COL11A1: variants seen among roughly 807,000 people sequenced by gnomAD.
COL11A1 encodes collagen type XI alpha 1 chain.
COL11A1 carries 74 observed loss-of-function variants against 265.2 expected under a neutral mutation model. That is an observed-to-expected ratio of 0.28 (90% CI 0.23 to 0.34). The LOEUF is 0.34. Ranked by LOEUF, COL11A1 falls within the 10% of genes least tolerant of loss-of-function variation. The pLI is 1.00. For synonymous variants in COL11A1, 816 were observed against 727.6 expected, an observed-to-expected ratio of 1.12 and a Z score of -1.96; for missense variants, 2,165 against 2,263.6, an observed-to-expected ratio of 0.96 and a Z score of 0.88.
At chr1:103,002,696 C>A (rs768298422) in intron 22 of COL11A1, 51 bp downstream of exon 22, 16 of 1,521,488 alleles carry the variant, frequency 1.1e-5, no homozygotes, top group Non-Finnish European at 1.4e-5. Flanking sequence ...AAAATGGTTT[C>A]TTAGGGCTTA....
At chr1:103,037,983 A>G (rs1041754923) in intron 4 of COL11A1, among the ~76,000 whole-genome samples, 2 of 152,172 alleles carry the variant, frequency 1.3e-5, no homozygotes, top group African/African-American at 4.8e-5. Flanking sequence ...TCTTGTCTCC[A>G]TTAACTTGCA....
chr1:102,959,432 C>T (rs1342822224), intron 41 of COL11A1, among the ~76,000 whole-genome samples: 1 of 138,822 alleles, frequency 7.2e-6, no homozygotes, highest in Non-Finnish European at 1.6e-5. Flanking sequence ...GTAATCTGCA[C>T]TCTGTGAAGC....
intron 22 of COL11A1, 116 bp from the exon 23 acceptor site, chr1:103,002,597 C>G: frequency 8.7e-7 from 1 of 1,144,246 alleles, no homozygotes; most frequent in South Asian, 1.3e-5. Flanking sequence ...TCATGAGATT[C>G]TGGAAAATAT....
At chr1:103,099,023 C>A (rs1392791994) in intron 1 of COL11A1, among the ~76,000 whole-genome samples, 1 of 151,762 alleles carries the variant, frequency 6.6e-6, no homozygotes, top group Non-Finnish European at 1.5e-5. Context: ...AGGTTATGGA[C>A]AATCAAGTCA....
At position 103,017,885 on chromosome 1, in the gene COL11A1, A is replaced by T. The variant is rs1296607621; in HGVS notation, c.1351-3T>A. On this transcript the variant is annotated splice_polypyrimidine_tract_variant and splice_region_variant and intron_variant, in intron 10 of 66. Transcript: ENST00000370096. Reference sequence around the variant, plus strand: ...AGACCTGGAGGACCCATAATACCCTATAGAGAAACACACCATATCTTAATC... The same window carrying T: ...AGACCTGGAGGACCCATAATACCCTTTAGAGAAACACACCATATCTTAATC... 2.5e-6 allele frequency: 4 copies of T among 1,610,232 alleles called. No individual in the cohort carries two copies. The highest frequency in any genetic ancestry group is 2.5e-6 in the Non-Finnish European group (3 of 1,176,692).
intron 5 of COL11A1, among the ~76,000 whole-genome samples, chr1:103,030,726 T>G (rs889838533): frequency 2.0e-5 from 3 of 152,102 alleles, no homozygotes; most frequent in Admixed American, 2.0e-4. Context: ...CTCATTTGTA[T>G]GCATTGCCAA....
At chr1:102,975,026 C>A in intron 35 of COL11A1, 143 bp from the exon 36 acceptor site, 1 of 683,470 alleles carries the variant, frequency 1.5e-6, no homozygotes. Context: ...TAATACAACA[C>A]GATAGTAAGT....
chr1:102,927,084 AT>A, intron 46 of COL11A1, among the ~76,000 whole-genome samples: 1 of 152,260 alleles, frequency 6.6e-6, no homozygotes, highest in East Asian at 1.9e-4. Flanking sequence ...AATTTGTGTA[AT>A]TATGCACATA....
At chr1:102,924,520 G>A (rs1656361483) in intron 46 of COL11A1, among the ~76,000 whole-genome samples, 2 of 152,052 alleles carry the variant, frequency 1.3e-5, no homozygotes, top group Non-Finnish European at 2.9e-5. Flanking sequence ...TTACAGTCAT[G>A]AACTACTCTG....
chr1:102,971,741 A>G (rs1003921853), intron 36 of COL11A1, among the ~76,000 whole-genome samples: 15 of 152,076 alleles, frequency 9.9e-5, no homozygotes. Flanking sequence ...AGTCATGTGT[A>G]TTGACATCCT....
At position 103,002,446 on chromosome 1, in the gene COL11A1, T is replaced by C. The variant is rs1665198210; in HGVS notation, c.2079A>G (p.Gln693=). 1.9e-6 allele frequency: 3 copies of C among 1,609,950 alleles called. No individual in the cohort carries two copies. The highest frequency in any genetic ancestry group is 1.7e-4 in the Middle Eastern group (1 of 6,042). The change falls in exon 23 of 67, where the codon CAA becomes CAG. Residue 693 remains glutamine (Q), a synonymous_variant. Coordinates refer to ENST00000370096, the MANE Select transcript of COL11A1 (RefSeq NM_001854.4). ...GACTTACCTGAGGTCCTGGATTCCC[T>C]TGTTGACCTGGAGGCCCAGGCTCCC... ...PQGEPGPPGQ[Q]GNPGPQGLPG... is the part of the protein sequence containing the mutation.
chr1:103,072,816 CTGTT>C (rs1446822084), intron 4 of COL11A1, among the ~76,000 whole-genome samples: 4 of 151,540 alleles, frequency 2.6e-5, no homozygotes, highest in Non-Finnish European at 5.9e-5. Context: ...TATCTGATGG[CTGTT>C]TGAGTATATG....
chr1:103,104,547 C>A (rs1674544943), intron 1 of COL11A1, among the ~76,000 whole-genome samples: 1 of 152,088 alleles, frequency 6.6e-6, no homozygotes, highest in Non-Finnish European at 1.5e-5. Flanking sequence ...AGAATAACTT[C>A]TATAAAGTAT....
chr1:103,085,914 C>T (rs1197149948), intron 1 of COL11A1, among the ~76,000 whole-genome samples: 1 of 152,086 alleles, frequency 6.6e-6, no homozygotes, highest in Non-Finnish European at 1.5e-5. Flanking sequence ...ACCATATGTT[C>T]TTATCCGTCC....
chr1:102,953,495 C>T (rs1282883789), intron 41 of COL11A1, among the ~76,000 whole-genome samples: 1 of 152,066 alleles, frequency 6.6e-6, no homozygotes, highest in Non-Finnish European at 1.5e-5. Flanking sequence ...TCAACAATGC[C>T]TGTCATAATA....
intron 57 of COL11A1, among the ~76,000 whole-genome samples, chr1:102,891,470 T>C (rs2100871732): frequency 6.6e-6 from 1 of 152,148 alleles, no homozygotes; most frequent in South Asian, 2.1e-4. Context: ...CCTTTTAACT[T>C]ACATTCTATG....
At chr1:102,997,161 T>C (rs1381543037) in intron 25 of COL11A1, 37 bp from the exon 26 acceptor site, 4 of 1,514,242 alleles carry the variant, frequency 2.6e-6, no homozygotes, top group Non-Finnish European at 3.7e-6. Flanking sequence ...TAAGATGTAA[T>C]ATAAACATAG....
intron 41 of COL11A1, among the ~76,000 whole-genome samples, chr1:102,951,067 C>A (rs1659826868): frequency 6.6e-6 from 1 of 152,164 alleles, no homozygotes; most frequent in Non-Finnish European, 1.5e-5. Context: ...GTCAATTAAA[C>A]CTCTTTCCTT....
At chr1:103,087,395 A>G (rs1672964861) in intron 1 of COL11A1, among the ~76,000 whole-genome samples, 1 of 152,220 alleles carries the variant, frequency 6.6e-6, no homozygotes, top group Non-Finnish European at 1.5e-5. Flanking sequence ...TTAAGCTTCC[A>G]AAAATCCATG....
Sources: allele counts gnomAD v4.1 joint callset (sites outside exome capture counted in the v4.1 genomes callset), GRCh38; gene constraint gnomAD v4.1.1; transcripts MANE v1.5; gene names NCBI Gene and HGNC (gene_info 2026-07-23, HGNC 2026-07-21).